The following CFAP299 variants were observed in gnomAD, a reference collection of about 807,000 sequenced individuals.
CFAP299 encodes the protein cilia and flagella associated protein 299.
CFAP299 carries 21 observed loss-of-function variants against 27.0 expected under a neutral mutation model. The ratio of observed to expected loss-of-function variants is 0.78; its 90% CI spans 0.55 to 1.12. The LOEUF is 1.12. CFAP299 is among the 50% of genes most tolerant of loss of function. CFAP299 has a pLI of 0.00. For missense variants in CFAP299, 310 were observed against 276.6 expected, an observed-to-expected ratio of 1.12 and a Z score of -0.86; for synonymous variants, 104 against 98.1, an observed-to-expected ratio of 1.06 and a Z score of -0.36.
intron 1 of CFAP299, among the ~76,000 whole-genome samples, chr4:80,346,387 C>T (rs1722727726): frequency 6.6e-6 from 1 of 152,086 alleles, no homozygotes; most frequent in Non-Finnish European, 1.5e-5. Flanking sequence ...AGGTTTTCTT[C>T]CAGGGTTTTT....
rs114619125 is a variant in CFAP299 at position 80,667,838 on chromosome 4, A to G, written c.333+84655A>G. Among the ~76,000 whole-genome samples, 1,081 of 152,260 alleles carry G rather than the reference A, an allele frequency of 7.1e-3. 10 individuals are homozygous for G. The highest frequency in any genetic ancestry group is 0.025 in the African/African-American group (1,019 of 41,566). Reference sequence around the variant, plus strand: ...TTTCCTTTATTTTTGATGTATACTCAGTAGTGTAATTGCTGAATCATATGG... The same window carrying G: ...TTTCCTTTATTTTTGATGTATACTCGGTAGTGTAATTGCTGAATCATATGG... On this transcript the variant is annotated intron_variant, in intron 3 of 5. Transcript: ENST00000358105.
chr4:80,591,104 AATTTTT>A (rs1272548348), intron 3 of CFAP299, among the ~76,000 whole-genome samples: 8 of 116,496 alleles, frequency 6.9e-5, no homozygotes, highest in Admixed American at 2.8e-4. Context: ...TACTTTAGGA[AATTTTT>A]TTTTTTTTTT....
chr4:80,344,344 C>G (rs1453546545), intron 1 of CFAP299, among the ~76,000 whole-genome samples: 5 of 151,674 alleles, frequency 3.3e-5, no homozygotes, highest in Non-Finnish European at 7.4e-5. Context: ...CACAAAAATA[C>G]AACCATCAGA....
rs573687961 is a variant in CFAP299 at position 80,484,264 on chromosome 4, TA to T, written c.243-98824del. ...GGCCTCTGAATTAGCATATAACTTT[TA>T]AAAATTATTTTATTTCATGAATAAA... On this transcript the variant is annotated intron_variant, in intron 2 of 5. Transcript: ENST00000358105. 3.9e-5 allele frequency among the ~76,000 whole-genome samples: 6 copies of T among 152,260 alleles called. No homozygotes were observed. In the East Asian group the frequency reaches 1.2e-3, roughly 29 times the overall value.
chr4:80,448,392 G>A (rs1000816370), intron 2 of CFAP299, among the ~76,000 whole-genome samples: 1 of 152,090 alleles, frequency 6.6e-6, no homozygotes, highest in Non-Finnish European at 1.5e-5. Flanking sequence ...GTTTTCTGAA[G>A]GTGTTAAAAT....
intron 2 of CFAP299, among the ~76,000 whole-genome samples, chr4:80,452,379 GT>G (rs141847699): frequency 0.073 from 11,074 of 151,940 alleles, 1,324 homozygotes; most frequent in African/African-American, 0.25. Flanking sequence ...ATTCAAATTA[GT>G]TTTTTTCTGG....
intron 2 of CFAP299, among the ~76,000 whole-genome samples, chr4:80,495,528 G>A (rs1196861288): frequency 6.6e-6 from 1 of 152,164 alleles, no homozygotes; most frequent in African/African-American, 2.4e-5. Flanking sequence ...ATCCGCAGGT[G>A]TAGTGGCTCA....
At chr4:80,933,221 A>G (rs1178083765) in intron 4 of CFAP299, among the ~76,000 whole-genome samples, 1 of 149,822 alleles carries the variant, frequency 6.7e-6, no homozygotes, top group East Asian at 2.0e-4. Flanking sequence ...CTACAGTACT[A>G]TATTATTACT....
At chr4:80,883,646 A>C (rs977506115) in intron 4 of CFAP299, among the ~76,000 whole-genome samples, 5 of 152,176 alleles carry the variant, frequency 3.3e-5, no homozygotes, top group African/African-American at 7.2e-5. Context: ...ATCTTATATT[A>C]GACAAAATAG....
intron 3 of CFAP299, among the ~76,000 whole-genome samples, chr4:80,791,541 A>G (rs1419782413): frequency 1.3e-5 from 2 of 152,102 alleles, no homozygotes; most frequent in Non-Finnish European, 2.9e-5. Context: ...TAATTATTTC[A>G]GTAAGATAGA....
chr4:80,754,085 G>C (rs1213186504), intron 3 of CFAP299, among the ~76,000 whole-genome samples: 4 of 151,968 alleles, frequency 2.6e-5, no homozygotes, highest in Non-Finnish European at 4.4e-5. Flanking sequence ...TTGTTGTTGT[G>C]GACTGAACAT....
chr4:80,641,372 G>A (rs900630248), intron 3 of CFAP299, among the ~76,000 whole-genome samples: 2 of 151,822 alleles, frequency 1.3e-5, no homozygotes, highest in African/African-American at 4.8e-5. Context: ...GCCAGGCTAA[G>A]TTTTGTATTT....
chr4:80,906,301 A>G (rs1294239775), intron 4 of CFAP299, among the ~76,000 whole-genome samples: 2 of 152,180 alleles, frequency 1.3e-5, no homozygotes, highest in African/African-American at 4.8e-5. Flanking sequence ...CCTTAGGCAG[A>G]TCCACCCCTG....
chr4:80,911,135 A>G (rs1016834171), intron 4 of CFAP299, among the ~76,000 whole-genome samples: 1 of 151,632 alleles, frequency 6.6e-6, no homozygotes, highest in African/African-American at 2.4e-5. Context: ...AAAATAAAAC[A>G]TAAGTTGTTT....
chr4:80,441,939 A>G (rs952052588), intron 2 of CFAP299, among the ~76,000 whole-genome samples: 4 of 152,362 alleles, frequency 2.6e-5, no homozygotes, highest in Non-Finnish European at 4.4e-5. Flanking sequence ...TTAGACCAAC[A>G]AAGATCATCA....
chr4:80,760,504 A>G (rs1725490107), intron 3 of CFAP299, among the ~76,000 whole-genome samples: 1 of 152,214 alleles, frequency 6.6e-6, no homozygotes, highest in African/African-American at 2.4e-5. Context: ...ACCAAGAGCT[A>G]TACAGGGAAT....
chr4:80,506,284 C>T (rs1418005874), intron 2 of CFAP299, among the ~76,000 whole-genome samples: 2 of 151,948 alleles, frequency 1.3e-5, no homozygotes, highest in Admixed American at 6.6e-5. Flanking sequence ...AAACAGATAT[C>T]TATATAAAAA....
intron 3 of CFAP299, among the ~76,000 whole-genome samples, chr4:80,840,114 TAAG>T (rs1730780490): frequency 6.6e-6 from 1 of 152,176 alleles, no homozygotes; most frequent in Non-Finnish European, 1.5e-5. Context: ...TTGTTGTTAA[TAAG>T]AAGTAATCTT....
intron 3 of CFAP299, among the ~76,000 whole-genome samples, chr4:80,723,472 A>T (rs1722959143): frequency 6.6e-6 from 1 of 152,154 alleles, no homozygotes. Context: ...AAATCAGATA[A>T]ATGAGTTCAC....
Sources: gnomAD v4.1 joint callset for allele counts (sites outside exome capture counted in the v4.1 genomes callset) on GRCh38, gnomAD v4.1.1 for gene constraint, MANE v1.5 for transcripts, NCBI Gene and HGNC (gene_info 2026-07-23, HGNC 2026-07-21) for gene names.